The following NCKAP5 variants were observed in gnomAD, a reference collection of about 807,000 sequenced individuals.
The protein encoded by NCKAP5 is NCK associated protein 5.
Under a neutral mutation model 167.0 loss-of-function variants are expected in NCKAP5, and 92 were observed. That is an observed-to-expected ratio of 0.55 (90% CI 0.47 to 0.66). The LOEUF is 0.66. Ranked by LOEUF, NCKAP5 falls within the 30% of genes least tolerant of loss-of-function variation. The probability of loss-of-function intolerance (pLI) is 0.00; values close to 1 mark genes in which losing one functional copy is unlikely to be tolerated. For synonymous variants in NCKAP5, 891 were observed against 877.4 expected (o/e 1.02, Z -0.27); for missense variants, 2,378 against 2,315.0 (o/e 1.03, Z -0.56).
In NCKAP5 at chr2:133,336,911, G is replaced by C. The variant is rs182150997; in HGVS notation, c.70-33801C>G. Among the ~76,000 whole-genome samples the C allele has an allele frequency of 3.2e-3, 490 of 152,272 alleles. 5 individuals carry two copies. The highest frequency in any genetic ancestry group is 4.4e-3 in the Non-Finnish European group (296 of 68,016). ...GTCTCACTGCCACAGGAACAGAAGG[G>C]GCACTCGTTAAATACTGTCACCCTG... On this transcript the variant is annotated intron_variant, in intron 3 of 19. Coordinates refer to ENST00000409261, the MANE Select transcript of NCKAP5 (RefSeq NM_207363.3).
At chr2:133,515,634 C>G (rs538958472) in intron 3 of NCKAP5, among the ~76,000 whole-genome samples, 4 of 152,222 alleles carry the variant, frequency 2.6e-5, no homozygotes, top group African/African-American at 7.2e-5. Flanking sequence ...AGAAAGAATG[C>G]AAGCTCAATT....
chr2:132,710,204 G>T (rs1688717068), intron 19 of NCKAP5, among the ~76,000 whole-genome samples: 1 of 152,076 alleles, frequency 6.6e-6, no homozygotes, highest in South Asian at 2.1e-4. Context: ...TCTTAGTTAA[G>T]GAGGCTTAAA....
chr2:132,726,765 C>T (rs936328877), intron 18 of NCKAP5, among the ~76,000 whole-genome samples: 6 of 152,216 alleles, frequency 3.9e-5, no homozygotes, highest in African/African-American at 7.2e-5. Flanking sequence ...CCCATCCATT[C>T]AACAGTGTTT....
At chr2:133,594,924 G>A in the NCKAP5 span, among the ~76,000 whole-genome samples, 15 of 152,134 alleles carry the variant, frequency 9.9e-5, no homozygotes, top group Non-Finnish European at 1.5e-4. Flanking sequence ...CACACTGAGC[G>A]TTTTAAGTTA....
intron 11 of NCKAP5, among the ~76,000 whole-genome samples, chr2:132,819,947 A>G (rs1686579368): frequency 6.6e-6 from 1 of 152,174 alleles, no homozygotes; most frequent in Non-Finnish European, 1.5e-5. Flanking sequence ...ATTCTGTAAA[A>G]TTCTCAGTGT....
intron 5 of NCKAP5, among the ~76,000 whole-genome samples, chr2:133,145,186 C>A (rs1255397792): frequency 1.3e-5 from 2 of 151,744 alleles, no homozygotes; most frequent in Admixed American, 1.3e-4. Context: ...CTCTGTAGTG[C>A]ATGGATTATA....
chr2:133,326,271 C>A (rs190252728), intron 3 of NCKAP5, among the ~76,000 whole-genome samples: 1 of 151,968 alleles, frequency 6.6e-6, no homozygotes, highest in Non-Finnish European at 1.5e-5. Flanking sequence ...CTGGCCAACA[C>A]GGTGAAACCC....
At chr2:133,348,658 A>T (rs1684142951) in intron 3 of NCKAP5, among the ~76,000 whole-genome samples, 1 of 152,206 alleles carries the variant, frequency 6.6e-6, no homozygotes, top group Non-Finnish European at 1.5e-5. Context: ...AAGCAAAAAA[A>T]ATAAAAATAA....
At chr2:133,096,398 G>A (rs192392578) in intron 6 of NCKAP5, among the ~76,000 whole-genome samples, 1 of 152,096 alleles carries the variant, frequency 6.6e-6, no homozygotes, top group Non-Finnish European at 1.5e-5. Flanking sequence ...TGAGGGAAGA[G>A]CATTGCTTGA....
At chr2:133,453,805 T>G (rs532006611) in intron 3 of NCKAP5, among the ~76,000 whole-genome samples, 1 of 152,022 alleles carries the variant, frequency 6.6e-6, no homozygotes, top group African/African-American at 2.4e-5. Context: ...ATGTTTATAA[T>G]GAACAAGTAC....
chr2:133,156,002 C>T lies in NCKAP5; in HGVS notation c.208-25891G>A, dbSNP rs560440369. On this transcript the variant is annotated intron_variant, in intron 5 of 19. Coordinates refer to ENST00000409261, the MANE Select transcript of NCKAP5 (RefSeq NM_207363.3). ...AGGTTCAAGTAACTGCTCCCTACTC[C>T]CTATACAGCTCTTAAGACAGGGCAA... Among the ~76,000 whole-genome samples, 3 of 152,286 alleles carry T rather than the reference C, an allele frequency of 2.0e-5. No homozygotes were observed. In the South Asian group the frequency reaches 6.2e-4, roughly 32 times the overall value.
At chr2:133,045,337 C>T (rs575933996) in intron 6 of NCKAP5, among the ~76,000 whole-genome samples, 45 of 151,928 alleles carry the variant, frequency 3.0e-4, no homozygotes, top group African/African-American at 1.1e-3. Context: ...TATGTATAGA[C>T]TTGAGACCCA....
chr2:133,534,711 C>A (rs1685624152), intron 2 of NCKAP5, among the ~76,000 whole-genome samples: 1 of 152,092 alleles, frequency 6.6e-6, no homozygotes, highest in South Asian at 2.1e-4. Flanking sequence ...TATGGGTATA[C>A]CATATTTTAT....
chr2:133,145,293 G>T (rs967525480), intron 5 of NCKAP5, among the ~76,000 whole-genome samples: 1 of 151,892 alleles, frequency 6.6e-6, no homozygotes, highest in African/African-American at 2.4e-5. Context: ...TTTCCAATGA[G>T]AACACATGGA....
At chr2:133,337,491 C>G (rs1468894666) in intron 3 of NCKAP5, among the ~76,000 whole-genome samples, 1 of 152,192 alleles carries the variant, frequency 6.6e-6, no homozygotes, top group African/African-American at 2.4e-5. Context: ...ACCCCCAGTA[C>G]TTTAGAATGG....
chr2:132,731,073 C>T (rs1168224092), intron 17 of NCKAP5, among the ~76,000 whole-genome samples: 1 of 152,172 alleles, frequency 6.6e-6, no homozygotes, highest in South Asian at 2.1e-4. Context: ...GTAAAAGCAA[C>T]ATAAGACATA....
chr2:133,379,931 T>C (rs772850387), intron 3 of NCKAP5, among the ~76,000 whole-genome samples: 3 of 152,106 alleles, frequency 2.0e-5, no homozygotes, highest in Non-Finnish European at 4.4e-5. Context: ...AGCAAGTGAA[T>C]AGATGTATGT....
chr2:132,867,839 C>T (rs1690481514), intron 10 of NCKAP5, among the ~76,000 whole-genome samples: 1 of 152,136 alleles, frequency 6.6e-6, no homozygotes, highest in Admixed American at 6.5e-5. Flanking sequence ...TTATGGATCT[C>T]TGTTGCTCAC....
At chr2:133,028,929 T>C (rs2078785825) in intron 6 of NCKAP5, among the ~76,000 whole-genome samples, 1 of 152,176 alleles carries the variant, frequency 6.6e-6, no homozygotes, top group Admixed American at 6.5e-5. Context: ...CCCCTCGCTC[T>C]CTTGTTCCTG....
Sources: gnomAD v4.1 joint callset for allele counts (sites outside exome capture counted in the v4.1 genomes callset) on GRCh38, gnomAD v4.1.1 for gene constraint, MANE v1.5 for transcripts, NCBI Gene and HGNC (gene_info 2026-07-23, HGNC 2026-07-21) for gene names.